Variants in NENF observed in about 807,000 individuals in gnomAD.
NENF encodes the protein neudesin neurotrophic factor.
NENF carries 6 observed loss-of-function variants against 14.8 expected under a neutral mutation model. The observed-to-expected ratio is 0.40, with a 90% CI of 0.22 to 0.80. The LOEUF is 0.80. Ranked by LOEUF, NENF falls within the 30% of genes least tolerant of loss-of-function variation. The probability of loss-of-function intolerance (pLI) is 0.34; values close to 1 mark genes in which losing one functional copy is unlikely to be tolerated. For synonymous variants in NENF, 76 were observed against 95.1 expected, an observed-to-expected ratio of 0.80 and a Z score of 1.17; for missense variants, 184 against 212.7, an observed-to-expected ratio of 0.87 and a Z score of 0.84.
rs1662548086 is a variant in NENF, at chr1:212,433,198, G to T, written c.177+78G>T. On this transcript the variant is annotated intron_variant, in intron 1 of 3. Transcript: ENST00000366988. The surrounding 1 kb of genome is among the most constrained non-coding windows in gnomAD (Gnocchi z 5.5). ...CGAGCCGAGCGGGGACCCAGGAGGC[G>T]CCGGCGGCCCAGGAAGCTCTGGGGG... The T allele has an allele frequency of 1.1e-5, 11 of 982,086 alleles. No individual in the cohort carries two copies. The highest frequency in any genetic ancestry group is 1.4e-5 in the Non-Finnish European group (11 of 786,930). The allele number at this position is 982,086 out of a possible 1,614,324, so 60.8% of individuals were successfully genotyped here.
intron 1 of NENF, among the ~76,000 whole-genome samples, chr1:212,441,073 G>C (rs1168157020): frequency 6.6e-6 from 1 of 151,988 alleles, no homozygotes; most frequent in Non-Finnish European, 1.5e-5. Context: ...CCTTTTTTGT[G>C]TAATTCTTTC....
At chr1:212,443,607 C>T (rs1662728217) in intron 2 of NENF, among the ~76,000 whole-genome samples, 1 of 151,986 alleles carries the variant, frequency 6.6e-6, no homozygotes, top group African/African-American at 2.4e-5. Flanking sequence ...CCAGGCTGAT[C>T]TTGAACTCCT....
rs1558191450 is a variant in NENF, at chr1:212,433,243, C to A, written c.177+123C>A. On this transcript the variant is annotated intron_variant, in intron 1 of 3. Transcript: ENST00000366988. This position sits in a 1 kb window ranked among gnomAD's most constrained non-coding sequence, Gnocchi z 5.5. ...TGGGGGACGCGCGGCCCGCGGCGGG[C>A]GCCCTGGGCCGGCGGGGGGCCTCCT... 7 of 506,386 alleles carry A rather than the reference C, an allele frequency of 1.4e-5. No homozygotes were observed. The highest frequency in any genetic ancestry group is 4.1e-5 in the African/African-American group (2 of 48,618). 31.4% of individuals were successfully genotyped at this position (506,386 alleles called of 1,614,324 possible). A position where few individuals can be genotyped will look rare whatever the true frequency, so the allele number is the denominator to read the frequency against.
In NENF at chr1:212,445,877, C is replaced by T; in HGVS notation, c.390C>T (p.Thr130=). 6.2e-7 allele frequency: 1 copy of T among 1,614,162 alleles called. No homozygotes were observed. Among genetic ancestry groups the T allele is most frequent in the South Asian group, 1.1e-5 (1 of 91,082 alleles). ...KELEALDEVF[T]KVYKAKYPIV... ...TGGAGGCCCTGGATGAGGTCTTCACCAAAGTGTACAAAGCCAAATACCCCA... is the reference window on the plus strand; with the variant it reads ...TGGAGGCCCTGGATGAGGTCTTCACTAAAGTGTACAAAGCCAAATACCCCA... The change falls in exon 4 of 4, where the codon ACC becomes ACT. Residue 130 remains threonine, a synonymous_variant. Coordinates refer to ENST00000366988, the MANE Select transcript of NENF (RefSeq NM_013349.5).
intron 1 of NENF, among the ~76,000 whole-genome samples, chr1:212,438,393 A>G (rs1420135138): frequency 6.6e-6 from 1 of 152,238 alleles, no homozygotes; most frequent in African/African-American, 2.4e-5. Context: ...TTAGAATCAG[A>G]CAGGTATGAG....
At chr1:212,436,019 AAG>A (rs1662596425) in intron 1 of NENF, among the ~76,000 whole-genome samples, 1 of 152,236 alleles carries the variant, frequency 6.6e-6, no homozygotes. Flanking sequence ...TATTAAGTGA[AAG>A]TGGATCATTA....
chr1:212,433,004 G>GC lies in NENF; in HGVS notation c.62dup (p.Leu22AlafsTer53), dbSNP rs1662542376. On this transcript the variant is annotated frameshift_variant, in exon 1 of 4. Coordinates refer to ENST00000366988, the MANE Select transcript of NENF (RefSeq NM_013349.5). LOFTEE classifies it high-confidence loss of function. The surrounding 1 kb of genome is among the most constrained non-coding windows in gnomAD (Gnocchi z 5.5). ...GCTGGCAGCGCTGGCCCTGGTCCTG[G>GC]CGCTGGCCCCGGGGCTGCCCACAGC... The GC allele has an allele frequency of 8.6e-7, 1 of 1,158,680 alleles. No homozygotes were observed. Among genetic ancestry groups the GC allele is most frequent in the Non-Finnish European group, 1.1e-6 (1 of 940,174 alleles). 71.8% of individuals were successfully genotyped at this position (1,158,680 alleles called of 1,614,324 possible).
At chr1:212,443,665 C>T (rs1457744541) in intron 2 of NENF, among the ~76,000 whole-genome samples, 1 of 151,998 alleles carries the variant, frequency 6.6e-6, no homozygotes, top group African/African-American at 2.4e-5. Context: ...GCTGGGATTA[C>T]AGGCGTGAGT....
chr1:212,444,706 T>C (rs139429663), intron 3 of NENF, among the ~76,000 whole-genome samples: 269 of 152,250 alleles, frequency 1.8e-3, no homozygotes, highest in Non-Finnish European at 3.3e-3. Context: ...GTCTGTTGCC[T>C]AGAGTCAAGT....
chr1:212,434,280 G>A (rs1314710707), intron 1 of NENF, among the ~76,000 whole-genome samples: 3 of 152,194 alleles, frequency 2.0e-5, no homozygotes, highest in Non-Finnish European at 2.9e-5. Context: ...GTGCAGAAAA[G>A]AATTAACATG....
At chr1:212,439,201 G>A (rs1261288460) in intron 1 of NENF, among the ~76,000 whole-genome samples, 1 of 152,076 alleles carries the variant, frequency 6.6e-6, no homozygotes, top group Admixed American at 6.5e-5. Flanking sequence ...ACACCTTCAA[G>A]TAAGTAGTTT....
intron 1 of NENF, among the ~76,000 whole-genome samples, chr1:212,436,373 T>C (rs1229012350): frequency 6.8e-6 from 1 of 147,644 alleles, no homozygotes; most frequent in African/African-American, 2.5e-5. Context: ...TGCAGTGGTG[T>C]GATCTCAGCT....
intron 3 of NENF, 107 bp downstream of exon 3, chr1:212,444,549 G>C: frequency 6.0e-6 from 3 of 498,920 alleles, no homozygotes; most frequent in Non-Finnish European, 9.6e-6. Context: ...GTGTGTGTGT[G>C]TGTGTGTGTG....
At chr1:212,442,441 A>T in intron 1 of NENF, 124 bp from the exon 2 acceptor site, 1 of 760,596 alleles carries the variant, frequency 1.3e-6, no homozygotes, top group Non-Finnish European at 2.3e-6. Flanking sequence ...CAGGCTTAAC[A>T]GAAAGCCTTT....
chr1:212,434,634 T>G (rs1662575950), intron 1 of NENF: 1 of 152,174 alleles, frequency 6.6e-6, no homozygotes, highest in Non-Finnish European at 1.5e-5. Flanking sequence ...TCCCCTAGAT[T>G]CTCCCTCTGT....
At chr1:212,444,274 T>C (rs1662740922) in intron 2 of NENF, 65 bp from the exon 3 acceptor site, 3 of 1,123,450 alleles carry the variant, frequency 2.7e-6, no homozygotes, top group Non-Finnish European at 3.7e-6. Flanking sequence ...CGCCCCCACG[T>C]GCAAGCTCCT....
intron 1 of NENF, among the ~76,000 whole-genome samples, chr1:212,435,458 C>T (rs1662588335): frequency 6.6e-6 from 1 of 152,060 alleles, no homozygotes; most frequent in Admixed American, 6.6e-5. Flanking sequence ...AAGCGATCCT[C>T]CTGCCGCAGC....
Position 212,444,501 on chromosome 1 carries a change from CTTTTTCTT to C in NENF, c.342+63_342+70del, listed in dbSNP as rs562182432. 7.2e-4 allele frequency: 780 copies of C among 1,087,960 alleles called. 11 individuals carry two copies. In the Admixed American group the frequency reaches 0.013, roughly 18 times the overall value. 67.4% of individuals were successfully genotyped at this position (1,087,960 alleles called of 1,614,324 possible). On this transcript the variant is annotated intron_variant, in intron 3 of 3. Coordinates refer to ENST00000366988, the MANE Select transcript of NENF (RefSeq NM_013349.5). The stretch of plus-strand genomic sequence containing the variant: ...TACCTCCTTGTCCATGCCTTTTTCT[CTTTTTCTT>C]TTTCTTTTCGTGTGTGTGTGTGTGT...
chr1:212,442,287 C>T (rs1335905236), intron 1 of NENF, among the ~76,000 whole-genome samples: 1 of 152,258 alleles, frequency 6.6e-6, no homozygotes, highest in Middle Eastern at 3.2e-3. Context: ...GCTGGGATTA[C>T]AGGCGTGAGT....
Sources: allele counts gnomAD v4.1 joint callset (sites outside exome capture counted in the v4.1 genomes callset), GRCh38; gene constraint gnomAD v4.1.1; non-coding constraint Gnocchi (gnomAD v3.1); transcripts MANE v1.5; gene names NCBI Gene and HGNC (gene_info 2026-07-23, HGNC 2026-07-21).